RELN: variants seen among roughly 807,000 people sequenced by gnomAD.
RELN encodes reelin.
In RELN, 108 loss-of-function variants were observed where a neutral mutation model predicts 427.6. The ratio of observed to expected loss-of-function variants is 0.25; its 90% CI spans 0.22 to 0.30. The LOEUF (loss-of-function observed/expected upper bound fraction) is 0.30. Among genes scored for constraint, RELN ranks in the 10% least tolerant of loss-of-function variants. The pLI is 1.00. For missense variants in RELN, 3,715 were observed against 4,302.8 expected, an observed-to-expected ratio of 0.86 and a Z score of 3.82; for synonymous variants, 1,524 against 1,513.4, an observed-to-expected ratio of 1.01 and a Z score of -0.16.
At chr7:103,701,346 AAGTT>A (rs1450141482) in intron 8 of RELN, among the ~76,000 whole-genome samples, 1 of 152,116 alleles carries the variant, frequency 6.6e-6, no homozygotes, top group African/African-American at 2.4e-5. Flanking sequence ...TGGTTCTTGC[AAGTT>A]AGTATCAATT....
intron 8 of RELN, among the ~76,000 whole-genome samples, chr7:103,701,873 T>C (rs185782666): frequency 3.3e-5 from 5 of 152,326 alleles, no homozygotes; most frequent in Middle Eastern, 3.4e-3. Flanking sequence ...ACCCATCTGA[T>C]AGAGGAGCCT....
At chr7:103,622,024 A>G (rs1339501490) in intron 20 of RELN, among the ~76,000 whole-genome samples, 3 of 152,174 alleles carry the variant, frequency 2.0e-5, no homozygotes, top group Non-Finnish European at 4.4e-5. Flanking sequence ...TCAAAAAAAT[A>G]AAAATAAAAA....
intron 57 of RELN, among the ~76,000 whole-genome samples, chr7:103,494,365 T>TGTGTGTGTGTGTGTGTGTGTG (rs1828762311): frequency 1.7e-5 from 2 of 118,308 alleles, no homozygotes; most frequent in African/African-American, 3.4e-5. Flanking sequence ...GTAATGACTT[T>TGTGTGTGTGTGTGTGTGTGTG]TGTGTGTGTG....
chr7:103,925,435 A>C (rs1795711416), intron 1 of RELN, among the ~76,000 whole-genome samples: 1 of 152,190 alleles, frequency 6.6e-6, no homozygotes, highest in Non-Finnish European at 1.5e-5. Context: ...CTTTATTATA[A>C]TTCAGAGAAC....
Position 103,573,949 on chromosome 7 carries a change from A to C in RELN, c.4511+143T>G. ...CCTATTTTATTCCAAAGCTAAAGTT[A>C]TCTTCATTTTTACATATCATAATCT... On this transcript the variant is annotated intron_variant, in intron 30 of 64. Coordinates refer to ENST00000428762, the MANE Select transcript of RELN (RefSeq NM_005045.4). The surrounding 1 kb of genome is among the most constrained non-coding windows in gnomAD (Gnocchi z 4.4). The C allele has an allele frequency of 2.7e-6, 2 of 749,882 alleles. No individual in the cohort carries two copies. Among genetic ancestry groups the C allele is most frequent in the Non-Finnish European group, 4.6e-6 (2 of 436,222 alleles). 46.5% of individuals were successfully genotyped at this position (749,882 alleles called of 1,614,324 possible).
At chr7:103,939,732 T>G (rs959200375) in intron 1 of RELN, among the ~76,000 whole-genome samples, 1 of 152,228 alleles carries the variant, frequency 6.6e-6, no homozygotes, top group East Asian at 1.9e-4. Context: ...TGGAACAGCC[T>G]AAATGTTCAA....
chr7:103,737,302 G>T lies in RELN; in HGVS notation c.657-9095C>A, dbSNP rs1790519173. 2.0e-5 allele frequency among the ~76,000 whole-genome samples: 3 copies of T among 152,148 alleles called. No individual in the cohort carries two copies. In the South Asian group the frequency reaches 6.2e-4, roughly 32 times the overall value. On this transcript the variant is annotated intron_variant, in intron 6 of 64. Coordinates refer to ENST00000428762, the MANE Select transcript of RELN (RefSeq NM_005045.4). ...CTGCCTTTCCGGCTCACTGCCCATG[G>T]GCGTGTTGGACACTGAGCAAAGTGG...
intron 10 of RELN, among the ~76,000 whole-genome samples, chr7:103,684,677 C>T (rs549321422): frequency 8.5e-5 from 13 of 152,240 alleles, no homozygotes; most frequent in South Asian, 2.1e-4. Flanking sequence ...AACCCCTCTA[C>T]GCCTCGGTTT....
rs529806065 is a variant in RELN, at chr7:103,565,193, G to C, written c.5210+85C>G. On this transcript the variant is annotated intron_variant, in intron 34 of 64. Coordinates refer to ENST00000428762, the MANE Select transcript of RELN (RefSeq NM_005045.4). The stretch of plus-strand genomic sequence containing the variant: ...GCATAATTATCATGAAAGAATAATA[G>C]AATCCCCAGGCCGAATCACAATTAT... 94 of 1,487,188 alleles carry C rather than the reference G, an allele frequency of 6.3e-5. No homozygotes were observed. In the East Asian group the frequency reaches 1.9e-3, roughly 30 times the overall value. 92.1% of individuals were successfully genotyped at this position (1,487,188 alleles called of 1,614,324 possible).
At chr7:103,727,639 T>A (rs487708) in intron 7 of RELN, among the ~76,000 whole-genome samples, 23,259 of 152,128 alleles carry the variant, frequency 0.15, 2,109 homozygotes, top group Middle Eastern at 0.29. Context: ...AAAAACTGGT[T>A]TATTCAGCGT....
chr7:103,970,378 A>C (rs1057014933), intron 1 of RELN, among the ~76,000 whole-genome samples: 5 of 152,046 alleles, frequency 3.3e-5, no homozygotes, highest in African/African-American at 1.2e-4. Flanking sequence ...TCCTGACCTC[A>C]AGTGAATTCG....
At chr7:103,602,740 T>C (rs1831703355) in intron 24 of RELN, among the ~76,000 whole-genome samples, 1 of 151,900 alleles carries the variant, frequency 6.6e-6, no homozygotes, top group Non-Finnish European at 1.5e-5. Flanking sequence ...AGATGATGAG[T>C]TGATGGGTAC....
chr7:103,560,036 GTATC>G (rs940341888), intron 36 of RELN, among the ~76,000 whole-genome samples: 2 of 152,132 alleles, frequency 1.3e-5, no homozygotes, highest in African/African-American at 2.4e-5. Flanking sequence ...TAATCTGAAA[GTATC>G]TTTCTTTTAT....
intron 3 of RELN, among the ~76,000 whole-genome samples, chr7:103,802,540 TA>T (rs1242950007): frequency 6.6e-6 from 1 of 152,146 alleles, no homozygotes; most frequent in African/African-American, 2.4e-5. Flanking sequence ...AATTTAAACA[TA>T]AAAGTGCTGT....
chr7:103,963,778 T>C (rs1268134586), intron 1 of RELN, among the ~76,000 whole-genome samples: 2 of 152,046 alleles, frequency 1.3e-5, no homozygotes, highest in Non-Finnish European at 2.9e-5. Flanking sequence ...CCTTTTCAGA[T>C]GAGGAAAAGT....
At chr7:103,530,519 A>G (rs1295107373) in intron 46 of RELN, among the ~76,000 whole-genome samples, 1 of 152,162 alleles carries the variant, frequency 6.6e-6, no homozygotes, top group Non-Finnish European at 1.5e-5. Context: ...TCTCAGCTCA[A>G]AACCCACCAC....
At chr7:103,794,899 T>A (rs1177597347) in intron 3 of RELN, among the ~76,000 whole-genome samples, 1 of 152,168 alleles carries the variant, frequency 6.6e-6, no homozygotes, top group African/African-American at 2.4e-5. Context: ...GTATATAGGT[T>A]TGTAAGAACT....
intron 4 of RELN, among the ~76,000 whole-genome samples, chr7:103,753,489 T>G (rs558431638): frequency 6.6e-6 from 1 of 152,274 alleles, no homozygotes; most frequent in Admixed American, 6.5e-5. Context: ...AAGATTTTCT[T>G]GAAACAAAAG....
At chr7:103,540,926 C>T (rs904558678) in intron 43 of RELN, among the ~76,000 whole-genome samples, 2 of 152,206 alleles carry the variant, frequency 1.3e-5, no homozygotes, top group Non-Finnish European at 2.9e-5. Context: ...TTTCACCAGT[C>T]GTTTTTCAGA....
Sources: allele counts gnomAD v4.1 joint callset (sites outside exome capture counted in the v4.1 genomes callset), GRCh38; gene constraint gnomAD v4.1.1; non-coding constraint Gnocchi (gnomAD v3.1); transcripts MANE v1.5; gene names NCBI Gene and HGNC (gene_info 2026-07-23, HGNC 2026-07-21).